Variants in MFSD1 observed in about 807,000 individuals in gnomAD.
MFSD1 encodes the protein major facilitator superfamily domain containing 1.
A neutral mutation model predicts 67.1 loss-of-function variants in MFSD1; 59 were observed. That is an observed-to-expected ratio of 0.88 (90% CI 0.71 to 1.09). MFSD1 has a LOEUF of 1.09. Among genes scored for constraint, MFSD1 ranks in the 50% least tolerant of loss-of-function variants. MFSD1 has a pLI of 0.00. For missense variants in MFSD1, 552 were observed against 566.1 expected, an observed-to-expected ratio of 0.97 and a Z score of 0.25; for synonymous variants, 213 against 200.3, an observed-to-expected ratio of 1.06 and a Z score of -0.54.
At chr3:158,807,323 A>G (rs1466956131) in intron 4 of MFSD1, 73 bp from the exon 5 acceptor site, 5 of 1,195,534 alleles carry the variant, frequency 4.2e-6, no homozygotes, top group Non-Finnish European at 6.1e-6. Flanking sequence ...GAGATTTATC[A>G]TGTTCCTTTT....
At chr3:158,823,620 G>T in intron 12 of MFSD1, 95 bp downstream of exon 12, 1 of 936,848 alleles carries the variant, frequency 1.1e-6, no homozygotes. Context: ...TCGTCATCCA[G>T]CCTCTGGGGT....
Position 158,815,977 on chromosome 3 carries a change from A to G in MFSD1, c.652+1910A>G, listed in dbSNP as rs968418796. 2.6e-5 allele frequency among the ~76,000 whole-genome samples: 4 copies of G among 152,276 alleles called. No homozygotes were observed. In the South Asian group the frequency reaches 6.2e-4, roughly 24 times the overall value. On this transcript the variant is annotated intron_variant, in intron 7 of 15. Coordinates refer to ENST00000415822, the MANE Select transcript of MFSD1 (RefSeq NM_022736.4). ...TTTCATCCATGTCCCTACAAAGGAC[A>G]TGAACTCATCATTTTTTATGGCTGC...
intron 2 of MFSD1, 106 bp downstream of exon 2, chr3:158,804,477 C>A: frequency 1.2e-6 from 1 of 811,194 alleles, no homozygotes; most frequent in South Asian, 1.7e-5. Context: ...TCCGCTGAAT[C>A]TATTTTGACA....
intron 7 of MFSD1, among the ~76,000 whole-genome samples, chr3:158,818,895 A>T (rs544248923): frequency 3.0e-4 from 45 of 152,348 alleles, no homozygotes; most frequent in Non-Finnish European, 2.9e-5. Flanking sequence ...AAAACTGGGG[A>T]AATTGAATCC....
At chr3:158,805,498 G>A in intron 3 of MFSD1, 24 bp downstream of exon 3, 1 of 1,504,436 alleles carries the variant, frequency 6.6e-7, no homozygotes. Context: ...GAAACTATGG[G>A]TAAATCTTAC....
Position 158,829,073 on chromosome 3 carries a change from A to G in MFSD1, c.*91A>G. 2 of 1,246,866 alleles carry G rather than the reference A, an allele frequency of 1.6e-6. 1 individual carries two copies. The highest frequency in any genetic ancestry group is 4.9e-5 in the East Asian group (2 of 40,936). 77.2% of individuals were successfully genotyped at this position (1,246,866 alleles called of 1,614,324 possible). A position where few individuals can be genotyped will look rare whatever the true frequency, so the allele number is the denominator to read the frequency against. ...TAAAAATTTAGAGTTTAGTCATTAGAAAAAATAATGGACTGGAAAGTTATA... is the reference window on the plus strand; with the variant it reads ...TAAAAATTTAGAGTTTAGTCATTAGGAAAAATAATGGACTGGAAAGTTATA... On this transcript the variant is annotated 3_prime_UTR_variant, in exon 16 of 16. Transcript: ENST00000415822.
At chr3:158,827,222 G>A in intron 14 of MFSD1, 58 bp from the exon 15 acceptor site, 1 of 1,115,802 alleles carries the variant, frequency 9.0e-7, no homozygotes, top group African/African-American at 1.6e-5. Context: ...ATGTATGGTT[G>A]AAATTTACTT....
chr3:158,818,075 T>C (rs1730471398), intron 7 of MFSD1, among the ~76,000 whole-genome samples: 1 of 152,180 alleles, frequency 6.6e-6, no homozygotes, highest in Admixed American at 6.5e-5. Flanking sequence ...TTACCACTTT[T>C]GCTTTTTCTC....
chr3:158,803,584 A>C (rs1352634001), intron 1 of MFSD1, among the ~76,000 whole-genome samples: 1 of 152,178 alleles, frequency 6.6e-6, no homozygotes, highest in Non-Finnish European at 1.5e-5. Context: ...TTCCTTTCTA[A>C]TGACAGTTTT....
At chr3:158,805,760 G>A (rs1215485047) in intron 3 of MFSD1, among the ~76,000 whole-genome samples, 2 of 152,118 alleles carry the variant, frequency 1.3e-5, no homozygotes, top group African/African-American at 2.4e-5. Flanking sequence ...GAATCTTATC[G>A]TTGCCACTTT....
intron 6 of MFSD1, 57 bp from the exon 7 acceptor site, chr3:158,813,908 A>G: frequency 1.6e-6 from 2 of 1,255,728 alleles, no homozygotes; most frequent in East Asian, 2.5e-5. Context: ...TTTTTTGAAC[A>G]AAGCAGAGAT....
chr3:158,804,780 G>T (rs1470183054), intron 2 of MFSD1, among the ~76,000 whole-genome samples: 1 of 152,176 alleles, frequency 6.6e-6, no homozygotes. Context: ...GATTGCAGAG[G>T]ATTGTCCATG....
At chr3:158,820,099 T>C in intron 8 of MFSD1, 116 bp from the exon 9 acceptor site, 1 of 609,722 alleles carries the variant, frequency 1.6e-6, no homozygotes, top group Non-Finnish European at 2.9e-6. Flanking sequence ...AAAGTATTTT[T>C]TTAAGTTGAA....
rs771518281 is a variant in MFSD1 at position 158,823,490 on chromosome 3, A to G, written c.1140A>G (p.Val380=). ...CATTGTGGCCAATGGTGGCATTTGT[A>G]GTTCCTGAACATCAGCTGGGAACTG... The part of the protein sequence containing the change: ...ACALWPMVAF[V]VPEHQLGTAY... Residue 380 remains valine (V), a synonymous_variant, in exon 12 of 16, where the codon GTA becomes GTG. Transcript: ENST00000415822. 9 of 1,613,714 alleles carry G rather than the reference A, an allele frequency of 5.6e-6. No homozygotes were observed. Among genetic ancestry groups the G allele is most frequent in the Non-Finnish European group, 7.6e-6 (9 of 1,179,664 alleles).
chr3:158,818,696 G>A (rs1730508415), intron 7 of MFSD1, among the ~76,000 whole-genome samples: 2 of 152,156 alleles, frequency 1.3e-5, no homozygotes, highest in Admixed American at 1.3e-4. Context: ...GTAATCCTAA[G>A]CAGGCAAGCA....
At position 158,807,386 on chromosome 3, in the gene MFSD1, T is replaced by C; in HGVS notation, c.373-10T>C. 6.2e-7 allele frequency: 1 copy of C among 1,607,868 alleles called. No homozygotes were observed. The highest frequency in any genetic ancestry group is 8.5e-7 in the Non-Finnish European group (1 of 1,175,324). On this transcript the variant is annotated splice_polypyrimidine_tract_variant and intron_variant, in intron 4 of 15. Transcript: ENST00000415822. Reference sequence around the variant, plus strand: ...TTTTCATTAATTTGACATGAACTTCTACATTATAGGTTGTTTTTGCCCTGG... The same window carrying C: ...TTTTCATTAATTTGACATGAACTTCCACATTATAGGTTGTTTTTGCCCTGG...
intron 6 of MFSD1, among the ~76,000 whole-genome samples, chr3:158,812,385 T>C (rs1482700918): frequency 6.6e-6 from 1 of 152,114 alleles, no homozygotes; most frequent in East Asian, 1.9e-4. Context: ...ATAAATCAGA[T>C]AAAAGTTGAG....
intron 7 of MFSD1, among the ~76,000 whole-genome samples, chr3:158,815,782 T>C (rs1204066525): frequency 6.6e-6 from 1 of 151,798 alleles, no homozygotes; most frequent in Non-Finnish European, 1.5e-5. Flanking sequence ...TAGGTATATC[T>C]CCTAATGCTA....
At chr3:158,805,638 G>C (rs1172157990) in intron 3 of MFSD1, among the ~76,000 whole-genome samples, 164 bp downstream of exon 3, 1 of 152,178 alleles carries the variant, frequency 6.6e-6, no homozygotes, top group Non-Finnish European at 1.5e-5. Context: ...GTTGGTTTTT[G>C]AAACGTGGTA....
Sources: gnomAD v4.1 joint callset for allele counts (sites outside exome capture counted in the v4.1 genomes callset) on GRCh38, gnomAD v4.1.1 for gene constraint, MANE v1.5 for transcripts, NCBI Gene and HGNC (gene_info 2026-07-23, HGNC 2026-07-21) for gene names.